Variants in OPCML observed in about 807,000 individuals in gnomAD.
The protein encoded by OPCML is opioid binding protein/cell adhesion molecule like, also known as opioid-binding protein/cell adhesion molecule.
A neutral mutation model predicts 37.8 loss-of-function variants in OPCML; 13 were observed. The observed-to-expected ratio is 0.34, with a 90% CI of 0.22 to 0.55. The LOEUF is 0.55. OPCML is among the 20% of genes least tolerant of loss of function. The pLI is 0.91. For missense variants in OPCML, 341 were observed against 435.6 expected (o/e 0.78, Z 1.93); for synonymous variants, 176 against 168.8 (o/e 1.04, Z -0.33).
chr11:132,924,712 T>C (rs552609820), intron 2 of OPCML, among the ~76,000 whole-genome samples: 123 of 152,362 alleles, frequency 8.1e-4, no homozygotes, highest in African/African-American at 2.8e-3. Context: ...TTGAAAATCA[T>C]ATGCCTAAGC....
At chr11:133,209,099 G>T (rs1288570426) in intron 1 of OPCML, among the ~76,000 whole-genome samples, 1 of 152,130 alleles carries the variant, frequency 6.6e-6, no homozygotes, top group African/African-American at 2.4e-5. Flanking sequence ...CACTCTTAAA[G>T]CATTCTGCCA....
intron 2 of OPCML, among the ~76,000 whole-genome samples, chr11:132,766,713 G>A (rs779499312): frequency 7.9e-5 from 12 of 151,830 alleles, no homozygotes; most frequent in South Asian, 4.2e-4. Context: ...ACCATGGCAG[G>A]GACAATGCCT....
chr11:133,026,308 T>C, intron 1 of OPCML: 1 of 911,646 alleles, frequency 1.1e-6, no homozygotes, highest in African/African-American at 1.8e-5. Context: ...TTTGGGCTTG[T>C]TCAGCTGTCA....
intron 1 of OPCML, among the ~76,000 whole-genome samples, chr11:133,198,133 G>T (rs1408497225): frequency 6.6e-6 from 1 of 152,180 alleles, no homozygotes; most frequent in African/African-American, 2.4e-5. Context: ...TCCAAAATGG[G>T]TTCAAAGGAT....
chr11:133,060,506 G>A (rs763457865), intron 1 of OPCML, among the ~76,000 whole-genome samples: 16 of 152,296 alleles, frequency 1.1e-4, no homozygotes, highest in South Asian at 8.3e-4. Flanking sequence ...TCTGTCCCAC[G>A]CTCAGGACAA....
At chr11:132,571,561 A>G (rs1053023161) in intron 3 of OPCML, among the ~76,000 whole-genome samples, 11 of 152,150 alleles carry the variant, frequency 7.2e-5, no homozygotes, top group African/African-American at 2.4e-4. Flanking sequence ...TACTTAGCAT[A>G]AAGTCCTCAA....
chr11:132,530,863 C>A (rs1037673605), intron 3 of OPCML, among the ~76,000 whole-genome samples: 1 of 152,272 alleles, frequency 6.6e-6, no homozygotes, highest in African/African-American at 2.4e-5. Context: ...CTTTTCTATT[C>A]CTTGACTGTC....
At chr11:133,232,244 GA>G (rs1340434531) in intron 1 of OPCML, among the ~76,000 whole-genome samples, 1 of 151,900 alleles carries the variant, frequency 6.6e-6, no homozygotes, top group South Asian at 2.1e-4. Context: ...GGTTCTCAAG[GA>G]AAAAAGATAA....
intron 2 of OPCML, among the ~76,000 whole-genome samples, chr11:132,886,495 C>G (rs1280510448): frequency 1.3e-5 from 2 of 152,236 alleles, no homozygotes; most frequent in Admixed American, 1.3e-4. Context: ...GGACCAGCTC[C>G]AGCTGGGGGC....
intron 2 of OPCML, among the ~76,000 whole-genome samples, chr11:132,885,054 C>G (rs1211707567): frequency 1.3e-5 from 2 of 152,218 alleles, no homozygotes; most frequent in Admixed American, 1.3e-4. Context: ...GCTGTGCCTT[C>G]TCCTCCACTC....
chr11:133,236,878 C>CGGGACATAG (rs1193140633), intron 1 of OPCML, among the ~76,000 whole-genome samples: 1 of 139,188 alleles, frequency 7.2e-6, no homozygotes, highest in Admixed American at 8.1e-5. Context: ...CTAGTGGAAA[C>CGGGACATAG]CGGACATAGC....
intron 3 of OPCML, among the ~76,000 whole-genome samples, chr11:132,562,146 T>C (rs1260994901): frequency 6.6e-6 from 1 of 152,198 alleles, no homozygotes; most frequent in Non-Finnish European, 1.5e-5. Context: ...AACAGATGAT[T>C]AGCACTCCAA....
At chr11:132,810,310 C>T (rs1939267091) in intron 2 of OPCML, among the ~76,000 whole-genome samples, 1 of 152,160 alleles carries the variant, frequency 6.6e-6, no homozygotes, top group Non-Finnish European at 1.5e-5. Flanking sequence ...TTCACAATTC[C>T]CACTCCCAGG....
At chr11:132,899,278 G>A (rs548799102) in intron 2 of OPCML, among the ~76,000 whole-genome samples, 34 of 152,128 alleles carry the variant, frequency 2.2e-4, no homozygotes, top group Admixed American at 3.3e-4. Context: ...ATCTTGTTAA[G>A]GATATGTTTT....
intron 7 of OPCML, among the ~76,000 whole-genome samples, chr11:132,429,532 G>A (rs755323109): frequency 4.6e-5 from 7 of 152,186 alleles, no homozygotes; most frequent in Non-Finnish European, 8.8e-5. Flanking sequence ...GGGGAAGAGC[G>A]AGGCATGCCC....
chr11:133,494,721 T>C lies in OPCML; in HGVS notation c.61+37543A>G, dbSNP rs1168681768. Among the ~76,000 whole-genome samples, 37 of 56,316 alleles carry C rather than the reference T, an allele frequency of 6.6e-4. 2 individuals are homozygous for C. Among genetic ancestry groups the C allele is most frequent in the African/African-American group, 2.9e-3 (33 of 11,298 alleles). The allele number at this position is 56,316 out of a possible 152,430, so 36.9% of individuals were successfully genotyped here. A position where few individuals can be genotyped will look rare whatever the true frequency, so the allele number is the denominator to read the frequency against. On this transcript the variant is annotated intron_variant, in intron 1 of 7. Transcript: ENST00000524381. The stretch of plus-strand genomic sequence containing the variant: ...GAACATCACACTCTGGGGACTGTTG[T>C]GGGGCGGGGGGACGGGGGAGGGATA...
rs1465399939 is a variant in OPCML, at chr11:133,277,519, T to C, written c.61+254745A>G. ...TGCAGAAAAAGTGCTGCAACACCAC[T>C]GTTGCTGTTGGGCCATCTGAGCCTG... On this transcript the variant is annotated intron_variant, in intron 1 of 7. Coordinates refer to ENST00000524381, the MANE Select transcript of OPCML (RefSeq NM_001012393.5). Among the ~76,000 whole-genome samples the C allele has an allele frequency of 3.9e-5, 6 of 152,166 alleles. No homozygotes were observed. In the East Asian group the frequency reaches 9.6e-4, roughly 24 times the overall value.
chr11:133,103,815 G>C (rs1037990229), intron 1 of OPCML, among the ~76,000 whole-genome samples: 2 of 152,096 alleles, frequency 1.3e-5, no homozygotes. Context: ...GTTCAATCGA[G>C]GTAGTTGGGA....
intron 2 of OPCML, among the ~76,000 whole-genome samples, chr11:132,670,608 G>T (rs1942431472): frequency 6.6e-6 from 1 of 152,052 alleles, no homozygotes; most frequent in Non-Finnish European, 1.5e-5. Flanking sequence ...AAGTATATAA[G>T]TTCCAGTCAC....
Sources: gnomAD v4.1 joint callset for allele counts (sites outside exome capture counted in the v4.1 genomes callset) on GRCh38, gnomAD v4.1.1 for gene constraint, MANE v1.5 for transcripts, NCBI Gene and HGNC (gene_info 2026-07-23, HGNC 2026-07-21) for gene names.